UGT2B15: variants seen among roughly 807,000 people sequenced by gnomAD.
The protein encoded by UGT2B15 is UDP glucuronosyltransferase family 2 member B15.
Under a neutral mutation model 45.9 loss-of-function variants are expected in UGT2B15, and 36 were observed. The ratio of observed to expected loss-of-function variants is 0.78; its 90% CI spans 0.60 to 1.04. The LOEUF is 1.04. UGT2B15 is among the 50% of genes least tolerant of loss of function. UGT2B15 has a pLI of 0.00. For missense variants in UGT2B15, 617 were observed against 622.4 expected, an observed-to-expected ratio of 0.99 and a Z score of 0.09; for synonymous variants, 219 against 216.4, an observed-to-expected ratio of 1.01 and a Z score of -0.11.
intron 3 of UGT2B15, among the ~76,000 whole-genome samples, chr4:68,660,817 G>A (rs1490258237): frequency 3.3e-5 from 5 of 151,464 alleles, no homozygotes; most frequent in Non-Finnish European, 7.4e-5. Context: ...CTTTCATGAA[G>A]CCCTACAAAT....
At chr4:68,665,155 GA>G (rs1174836607) in intron 2 of UGT2B15, among the ~76,000 whole-genome samples, 2 of 152,096 alleles carry the variant, frequency 1.3e-5, no homozygotes, top group Non-Finnish European at 2.9e-5. Flanking sequence ...TTTAGAAAAA[GA>G]AAATCATTTA....
chr4:68,659,297 C>A (rs1732894752), intron 3 of UGT2B15, among the ~76,000 whole-genome samples: 1 of 151,818 alleles, frequency 6.6e-6, no homozygotes. Flanking sequence ...GTGTTTTAAA[C>A]CTTTGATATT....
intron 1 of UGT2B15, among the ~76,000 whole-genome samples, chr4:68,669,415 C>T (rs2109837746): frequency 6.6e-6 from 1 of 152,216 alleles, no homozygotes; most frequent in Non-Finnish European, 1.5e-5. Flanking sequence ...TATTACTCAA[C>T]TGTGAAGGAA....
In UGT2B15 at chr4:68,664,571, CT is replaced by C. The variant is rs369329588; in HGVS notation, c.874-1433del. On this transcript the variant is annotated intron_variant, in intron 2 of 5. Transcript: ENST00000338206. Reference sequence around the variant, plus strand: ...AAAATATAATTTAACTTTATGACATCTTTTTTTTTTTTCCAGATGGAGTCTT... The same window carrying C: ...AAAATATAATTTAACTTTATGACATCTTTTTTTTTTTCCAGATGGAGTCTT... Among the ~76,000 whole-genome samples, 123 of 146,260 alleles carry C rather than the reference CT, an allele frequency of 8.4e-4. 1 individual carries two copies. The highest frequency in any genetic ancestry group is 7.0e-3 in the Middle Eastern group (2 of 284).
At chr4:68,657,974 AT>A (rs1264782165) in intron 3 of UGT2B15, among the ~76,000 whole-genome samples, 1 of 151,980 alleles carries the variant, frequency 6.6e-6, no homozygotes, top group Non-Finnish European at 1.5e-5. Flanking sequence ...AGCACACCAA[AT>A]TTTTTGTCTC....
chr4:68,655,313 C>G (rs1440764417), intron 3 of UGT2B15, 131 bp from the exon 4 acceptor site: 2 of 1,167,930 alleles, frequency 1.7e-6, no homozygotes, highest in South Asian at 1.6e-5. Context: ...GAAGTGATGT[C>G]AAGTAATGAG....
intron 3 of UGT2B15, among the ~76,000 whole-genome samples, chr4:68,656,537 GAAAACAAAAC>G (rs772986469): frequency 6.6e-6 from 1 of 151,910 alleles, no homozygotes; most frequent in Non-Finnish European, 1.5e-5. Flanking sequence ...ACGCAAAAGA[GAAAACAAAAC>G]AAAACAAAAC....
At chr4:68,658,571 AT>A (rs1732876404) in intron 3 of UGT2B15, among the ~76,000 whole-genome samples, 1 of 152,024 alleles carries the variant, frequency 6.6e-6, no homozygotes, top group Non-Finnish European at 1.5e-5. Context: ...TGCTTGTGTA[AT>A]TTTTTAATAA....
chr4:68,646,823 T>A lies in UGT2B15; in HGVS notation c.*281A>T, dbSNP rs887978398. 1 of 373,894 alleles carries A rather than the reference T, an allele frequency of 2.7e-6. No individual in the cohort carries two copies. Among genetic ancestry groups the A allele is most frequent in the African/African-American group, 2.0e-5 (1 of 49,490 alleles). The allele number at this position is 373,894 out of a possible 1,614,324, so 23.2% of individuals were successfully genotyped here. A position where few individuals can be genotyped will look rare whatever the true frequency, so the allele number is the denominator to read the frequency against. On this transcript the variant is annotated 3_prime_UTR_variant, in exon 6 of 6. Transcript: ENST00000338206. ...GCTACATATGTATACATGTGCCATG[T>A]TGGCGTGCTGCATCCAGTAACTCGT...
At chr4:68,652,042 A>T (rs889427942) in intron 5 of UGT2B15, among the ~76,000 whole-genome samples, 9 of 152,022 alleles carry the variant, frequency 5.9e-5, no homozygotes, top group African/African-American at 1.7e-4. Flanking sequence ...GTCCTGTCTT[A>T]ATTCCTTCAG....
At chr4:68,651,849 A>G (rs1442950564) in intron 5 of UGT2B15, among the ~76,000 whole-genome samples, 1 of 152,044 alleles carries the variant, frequency 6.6e-6, no homozygotes, top group Admixed American at 6.6e-5. Flanking sequence ...TGCCTTGGTT[A>G]TATGGGCTCT....
chr4:68,656,609 A>G (rs1205362586), intron 3 of UGT2B15, among the ~76,000 whole-genome samples: 1 of 152,170 alleles, frequency 6.6e-6, no homozygotes, highest in Non-Finnish European at 1.5e-5. Context: ...TGTCTTTAAA[A>G]AAACAAATGT....
chr4:68,667,329 C>T (rs1733169923), intron 2 of UGT2B15, among the ~76,000 whole-genome samples: 1 of 151,920 alleles, frequency 6.6e-6, no homozygotes, highest in Non-Finnish European at 1.5e-5. Flanking sequence ...ACCAGCATGC[C>T]TGGCTATTAT....
Position 68,669,886 on chromosome 4 carries a change from A to G in UGT2B15, c.724+9T>C. ...AACTTAATAAGCACCAGTTAGACAC[A>G]TGACTTACCTAGAACTTCACTATAA... On this transcript the variant is annotated intron_variant, in intron 1 of 5. Coordinates refer to ENST00000338206, the MANE Select transcript of UGT2B15 (RefSeq NM_001076.4). The G allele has an allele frequency of 6.3e-7, 1 of 1,596,986 alleles. No homozygotes were observed. The highest frequency in any genetic ancestry group is 1.1e-5 in the South Asian group (1 of 87,750).
At position 68,647,203 on chromosome 4, in the gene UGT2B15, C is replaced by A; in HGVS notation, c.1494G>T (p.Leu498=). The part of the protein sequence containing the change: ...QYHSLDVIAF[L]LACVATVIFI... ...ATATCACAGTTGCCACGCAGGCCAG[C>A]AGGAATGCTATCACATCCAAAGAGT... is the stretch of plus-strand genomic sequence containing the variant. Residue 498 remains leucine, a synonymous_variant, in exon 6 of 6, where the codon CTG becomes CTT. Transcript: ENST00000338206. The A allele has an allele frequency of 6.2e-7, 1 of 1,613,928 alleles. No homozygotes were observed. The highest frequency in any genetic ancestry group is 8.5e-7 in the Non-Finnish European group (1 of 1,179,922).
chr4:68,668,024 A>T lies in UGT2B15; in HGVS notation c.873+16T>A, dbSNP rs139331772. 1,951 of 1,612,532 alleles carry T rather than the reference A, an allele frequency of 1.2e-3. 30 individuals are homozygous for T. In the African/African-American group the frequency reaches 0.024, roughly 20 times the overall value. On this transcript the variant is annotated intron_variant, in intron 2 of 5. Transcript: ENST00000338206. ...TGAAAATGTCAAGCAAACAAATGAA[A>T]CAAGAATACATTTACCTTAGGCAGG...
chr4:68,656,950 C>G (rs1732823891), intron 3 of UGT2B15, among the ~76,000 whole-genome samples: 2 of 152,034 alleles, frequency 1.3e-5, no homozygotes, highest in South Asian at 4.1e-4. Context: ...TGGCTGAGTA[C>G]AGTTTACTGG....
Position 68,659,556 on chromosome 4 carries a change from G to A in UGT2B15, c.1005+3452C>T, listed in dbSNP as rs143321927. ...AATTCTGATATGACTTAGTGTGTACGTTATCAGTAACAATTATATGTGTTA... is the reference window on the plus strand; with the variant it reads ...AATTCTGATATGACTTAGTGTGTACATTATCAGTAACAATTATATGTGTTA... On this transcript the variant is annotated intron_variant, in intron 3 of 5. Transcript: ENST00000338206. Among the ~76,000 whole-genome samples, 214 of 151,942 alleles carry A rather than the reference G, an allele frequency of 1.4e-3. 2 individuals carry two copies. In the East Asian group the frequency reaches 0.034, roughly 24 times the overall value.
intron 3 of UGT2B15, among the ~76,000 whole-genome samples, chr4:68,661,115 A>G (rs1274157008): frequency 6.6e-6 from 1 of 152,030 alleles, no homozygotes; most frequent in Non-Finnish European, 1.5e-5. Flanking sequence ...ACCTGAGACC[A>G]GAGACTCATT....
Sources: gnomAD v4.1 joint callset for allele counts (sites outside exome capture counted in the v4.1 genomes callset) on GRCh38, gnomAD v4.1.1 for gene constraint, MANE v1.5 for transcripts, NCBI Gene and HGNC (gene_info 2026-07-23, HGNC 2026-07-21) for gene names.